The following SLC30A6 variants were observed in gnomAD, a reference collection of about 807,000 sequenced individuals.
The protein encoded by SLC30A6 is solute carrier family 30 member 6.
A neutral mutation model predicts 63.0 loss-of-function variants in SLC30A6; 55 were observed. The observed-to-expected ratio is 0.87, with a 90% CI of 0.70 to 1.09. The LOEUF is 1.09. Ranked by LOEUF, SLC30A6 falls within the 50% of genes least tolerant of loss-of-function variation. The probability of loss-of-function intolerance (pLI) is 0.00; values close to 1 mark genes in which losing one functional copy is unlikely to be tolerated. For missense variants in SLC30A6, 587 were observed against 549.2 expected (o/e 1.07, Z -0.69); for synonymous variants, 224 against 186.1 (o/e 1.20, Z -1.66).
chr2:32,193,796 C>A (rs147451403), intron 7 of SLC30A6, 93 bp from the exon 8 acceptor site: 2 of 963,802 alleles, frequency 2.1e-6, no homozygotes, highest in East Asian at 2.5e-5. Context: ...GACCACTTTA[C>A]CTTCCCACCT....
At chr2:32,197,599 T>C (rs565217718) in intron 9 of SLC30A6, 108 bp from the exon 10 acceptor site, 9 of 1,488,834 alleles carry the variant, frequency 6.0e-6, no homozygotes, top group Non-Finnish European at 8.2e-6. Context: ...TTGCTTTCTT[T>C]AAGAAGTACA....
chr2:32,185,046 A>G (rs1374320258), intron 5 of SLC30A6, among the ~76,000 whole-genome samples: 2 of 152,344 alleles, frequency 1.3e-5, no homozygotes, highest in Middle Eastern at 3.4e-3. Context: ...TGATAGCAAT[A>G]GATCAACAAA....
At chr2:32,212,057 G>A (rs1195073176) in intron 13 of SLC30A6, among the ~76,000 whole-genome samples, 1 of 151,872 alleles carries the variant, frequency 6.6e-6, no homozygotes, top group Non-Finnish European at 1.5e-5. Context: ...TAAATATGTT[G>A]GATCTTTGCC....
At chr2:32,203,400 T>C in intron 10 of SLC30A6, 1 of 1,218,208 alleles carries the variant, frequency 8.2e-7, no homozygotes, top group Non-Finnish European at 1.2e-6. Context: ...ATAAGGTCTC[T>C]GGCTTCTGTT....
intron 2 of SLC30A6, among the ~76,000 whole-genome samples, chr2:32,172,791 G>A (rs1052453608): frequency 6.6e-6 from 1 of 152,118 alleles, no homozygotes; most frequent in East Asian, 1.9e-4. Flanking sequence ...TTCCTAGATG[G>A]CTGTTTCATA....
Position 32,197,827 on chromosome 2 carries a change from G to A in SLC30A6, c.665+1G>A. 6.2e-7 allele frequency: 1 copy of A among 1,613,332 alleles called. No individual in the cohort carries two copies. On this transcript the variant is annotated splice_donor_variant, in intron 10 of 13. Transcript: ENST00000282587. LOFTEE classifies it high-confidence loss of function. ...TTACATATATGCTCATTGAAATTAA[G>A]TGAGTATTTTTTATTGTTGTCAAGT...
rs142006748 is a variant in SLC30A6 at position 32,202,423 on chromosome 2, G to A, written c.666-2167G>A. 588 of 258,508 alleles carry A rather than the reference G, an allele frequency of 2.3e-3. 5 individuals are homozygous for A. The highest frequency in any genetic ancestry group is 0.013 in the African/African-American group (573 of 43,230). 16.0% of individuals were successfully genotyped at this position (258,508 alleles called of 1,614,324 possible). On this transcript the variant is annotated intron_variant, in intron 10 of 13. Transcript: ENST00000282587. ...CGGCTCACTGCAAGCTCCGCCGCCC[G>A]GGTTCACACCATTTTCCTGCCTCAG...
At chr2:32,189,280 TC>T (rs146272167) in intron 5 of SLC30A6, among the ~76,000 whole-genome samples, 1 of 58,198 alleles carries the variant, frequency 1.7e-5, no homozygotes. Context: ...GTTGATACTG[TC>T]TTTTTTTTTT....
rs1686168015 is a variant in SLC30A6 at position 32,221,955 on chromosome 2, C to T, written c.*1242C>T. 6.6e-6 allele frequency: 1 copy of T among 152,040 alleles called. No individual in the cohort carries two copies. The highest frequency in any genetic ancestry group is 1.5e-5 in the Non-Finnish European group (1 of 68,012). The allele number at this position is 152,040 out of a possible 1,614,324, so 9.4% of individuals were successfully genotyped here. On this transcript the variant is annotated 3_prime_UTR_variant, in exon 14 of 14. Coordinates refer to ENST00000282587, the MANE Select transcript of SLC30A6 (RefSeq NM_017964.5). The stretch of plus-strand genomic sequence containing the variant: ...TTACCAAAACACATGGAGTTCCATA[C>T]ATAATATGGAATTTGATGTCTTTTC...
intron 12 of SLC30A6, among the ~76,000 whole-genome samples, chr2:32,208,667 C>T (rs1364414229): frequency 8.4e-6 from 1 of 118,858 alleles, no homozygotes; most frequent in Admixed American, 8.7e-5. Flanking sequence ...TTCTCTGCTT[C>T]CCACCGGCTA....
intron 13 of SLC30A6, among the ~76,000 whole-genome samples, chr2:32,217,040 C>T (rs928167378): frequency 6.6e-6 from 1 of 151,876 alleles, no homozygotes; most frequent in African/African-American, 2.4e-5. Flanking sequence ...AGGCATTTGC[C>T]ACCACGCCCG....
At chr2:32,187,111 C>T (rs1332318714) in intron 5 of SLC30A6, 1 of 468,086 alleles carries the variant, frequency 2.1e-6, no homozygotes, top group Admixed American at 2.4e-5. Context: ...CTGGCGCAGG[C>T]ACTAGACCAC....
At position 32,220,864 on chromosome 2, in the gene SLC30A6, T is replaced by G. The variant is rs758971422; in HGVS notation, c.*151T>G. The G allele has an allele frequency of 2.8e-4, 207 of 726,516 alleles. No individual in the cohort carries two copies. The highest frequency in any genetic ancestry group is 5.9e-4 in the Admixed American group (19 of 32,472). 45.0% of individuals were successfully genotyped at this position (726,516 alleles called of 1,614,324 possible). On this transcript the variant is annotated 3_prime_UTR_variant, in exon 14 of 14. Transcript: ENST00000282587. Reference sequence around the variant, plus strand: ...TTTCATGAAACCTATGAAACTATATTTTTGTAAAATGTATTTGTGACAGTG... The same window carrying G: ...TTTCATGAAACCTATGAAACTATATGTTTGTAAAATGTATTTGTGACAGTG...
intron 11 of SLC30A6, 97 bp from the exon 12 acceptor site, chr2:32,206,789 G>C: frequency 1.1e-6 from 1 of 921,364 alleles, no homozygotes; most frequent in African/African-American, 1.6e-5. Flanking sequence ...CAAAGCAAAG[G>C]CTGGCTTAAA....
chr2:32,200,366 A>G (rs2148872730), intron 10 of SLC30A6, among the ~76,000 whole-genome samples: 1 of 152,192 alleles, frequency 6.6e-6, no homozygotes, highest in Non-Finnish European at 1.5e-5. Context: ...CCAACAGCTC[A>G]TTGAGAACGG....
chr2:32,168,648 C>T (rs1195498903), intron 1 of SLC30A6, among the ~76,000 whole-genome samples: 1 of 152,122 alleles, frequency 6.6e-6, no homozygotes, highest in Non-Finnish European at 1.5e-5. Flanking sequence ...TTGTGCCCCA[C>T]TCTAATACTC....
chr2:32,197,543 C>A, intron 9 of SLC30A6, 151 bp downstream of exon 9: 1 of 1,292,560 alleles, frequency 7.7e-7, no homozygotes, highest in Non-Finnish European at 1.1e-6. Flanking sequence ...TTAATTGATA[C>A]AAAAGAGAAC....
intron 13 of SLC30A6, among the ~76,000 whole-genome samples, chr2:32,218,520 C>CTTTTGTTTTGTTTTGTTTTGTTTTG (rs57425197): frequency 1.4e-5 from 2 of 143,102 alleles, no homozygotes; most frequent in Admixed American, 7.1e-5. Flanking sequence ...CAGCTCTCCT[C>CTTTTGTTTTGTTTTGTTTTGTTTTG]TTTTGTTTTG....
At chr2:32,175,216 T>C (rs1490382925) in intron 3 of SLC30A6, 103 bp from the exon 4 acceptor site, 4 of 1,107,948 alleles carry the variant, frequency 3.6e-6, no homozygotes, top group Non-Finnish European at 5.3e-6. Flanking sequence ...ACTCAAAAGT[T>C]TTTTTGATAA....
Sources: gnomAD v4.1 joint callset for allele counts (sites outside exome capture counted in the v4.1 genomes callset) on GRCh38, gnomAD v4.1.1 for gene constraint, MANE v1.5 for transcripts, NCBI Gene and HGNC (gene_info 2026-07-23, HGNC 2026-07-21) for gene names.